Variants in TBC1D4 observed in about 807,000 individuals in gnomAD.
TBC1D4 encodes the protein TBC1 domain family member 4.
TBC1D4 carries 121 observed loss-of-function variants against 142.5 expected under a neutral mutation model. The observed-to-expected ratio is 0.85, with a 90% CI of 0.73 to 0.99. The LOEUF is 0.99. Among genes scored for constraint, TBC1D4 ranks in the 50% least tolerant of loss-of-function variants. The pLI, the probability that TBC1D4 is intolerant of heterozygous loss-of-function variation, is 0.00. For missense variants in TBC1D4, 1,475 were observed against 1,606.6 expected, an observed-to-expected ratio of 0.92 and a Z score of 1.40; for synonymous variants, 630 against 628.2, an observed-to-expected ratio of 1.00 and a Z score of -0.04.
intron 1 of TBC1D4, among the ~76,000 whole-genome samples, chr13:75,427,949 C>T (rs1162610889): frequency 6.6e-6 from 1 of 152,118 alleles, no homozygotes; most frequent in Admixed American, 6.5e-5. Flanking sequence ...ACTCCTCTGA[C>T]AATTTATCAA....
At chr13:75,409,510 T>G (rs928045963) in intron 1 of TBC1D4, among the ~76,000 whole-genome samples, 2 of 152,272 alleles carry the variant, frequency 1.3e-5, no homozygotes, top group East Asian at 1.9e-4. Flanking sequence ...ACATTAAAGG[T>G]TCCCCCCCTC....
At chr13:75,410,073 C>G (rs1593855500) in intron 1 of TBC1D4, among the ~76,000 whole-genome samples, 2 of 152,316 alleles carry the variant, frequency 1.3e-5, no homozygotes, top group East Asian at 1.9e-4. Flanking sequence ...AACAAAATAA[C>G]AGCACTCTCA....
At chr13:75,438,644 A>G (rs1274784219) in intron 1 of TBC1D4, among the ~76,000 whole-genome samples, 2 of 152,216 alleles carry the variant, frequency 1.3e-5, no homozygotes, top group Non-Finnish European at 2.9e-5. Flanking sequence ...ATTATGGAAA[A>G]CTTTTATAAT....
rs745564206 is a variant in TBC1D4, at chr13:75,310,119, A to G, written c.2416T>C (p.Ser806Pro). ...GLDRNELLPL[S>P]PLSPTMEEEP... The stretch of plus-strand genomic sequence containing the variant: ...TCCTCCATGGTTGGAGAGAGGGGGG[A>G]CAGTGGCAGCAGCTCGTTCCTGTCC... Residue 806 changes from serine (S) to proline (P), a missense_variant, in exon 14 of 21, where the codon TCC (serine) becomes CCC (proline). Transcript: ENST00000377636. 15 of 1,613,646 alleles carry G rather than the reference A, an allele frequency of 9.3e-6. No individual in the cohort carries two copies. In the African/African-American group the frequency reaches 1.9e-4, roughly 20 times the overall value.
At chr13:75,451,599 G>A (rs1887535770) in intron 1 of TBC1D4, among the ~76,000 whole-genome samples, 1 of 150,266 alleles carries the variant, frequency 6.7e-6, no homozygotes, top group Admixed American at 6.6e-5. Flanking sequence ...AGGATCCCTT[G>A]AGCCCAGGAG....
At chr13:75,328,464 A>T (rs1451051256) in intron 8 of TBC1D4, among the ~76,000 whole-genome samples, 1 of 152,160 alleles carries the variant, frequency 6.6e-6, no homozygotes, top group Non-Finnish European at 1.5e-5. Context: ...AAAGAGATCT[A>T]AGAGATCACC....
intron 1 of TBC1D4, among the ~76,000 whole-genome samples, chr13:75,395,731 G>A (rs1884762391): frequency 6.6e-6 from 1 of 152,170 alleles, no homozygotes; most frequent in Non-Finnish European, 1.5e-5. Flanking sequence ...TTAGGAGGCT[G>A]GGGCAGGAGA....
chr13:75,382,641 G>A (rs1384165567), intron 1 of TBC1D4, among the ~76,000 whole-genome samples: 1 of 152,128 alleles, frequency 6.6e-6, no homozygotes, highest in African/African-American at 2.4e-5. Flanking sequence ...CAAACTGTAT[G>A]TGAATTTTGT....
intron 1 of TBC1D4, among the ~76,000 whole-genome samples, chr13:75,409,638 G>A (rs1885507538): frequency 6.6e-6 from 1 of 152,190 alleles, no homozygotes; most frequent in East Asian, 1.9e-4. Flanking sequence ...AAACTTCACA[G>A]TAAAATACAC....
intron 1 of TBC1D4, among the ~76,000 whole-genome samples, chr13:75,465,493 T>A (rs1188385646): frequency 1.3e-5 from 2 of 152,214 alleles, no homozygotes; most frequent in African/African-American, 4.8e-5. Flanking sequence ...TCATGTCACA[T>A]GACTAATTAC....
At chr13:75,442,195 T>C (rs1327632869) in intron 1 of TBC1D4, among the ~76,000 whole-genome samples, 3 of 152,228 alleles carry the variant, frequency 2.0e-5, no homozygotes, top group Non-Finnish European at 2.9e-5. Flanking sequence ...AGTTAGTTTC[T>C]GGCAAATGCT....
intron 1 of TBC1D4, among the ~76,000 whole-genome samples, chr13:75,472,458 G>A (rs958465737): frequency 1.7e-4 from 26 of 152,032 alleles, no homozygotes; most frequent in Admixed American, 1.2e-3. Context: ...ATTGTGGATG[G>A]ATTTAAAAGG....
At chr13:75,477,372 A>T (rs910892443) in intron 1 of TBC1D4, among the ~76,000 whole-genome samples, 3 of 152,200 alleles carry the variant, frequency 2.0e-5, no homozygotes, top group Admixed American at 6.5e-5. Flanking sequence ...ACTGGCATTA[A>T]ATTCCTTTTT....
chr13:75,323,461 A>G (rs1878953570), intron 11 of TBC1D4, among the ~76,000 whole-genome samples: 1 of 152,178 alleles, frequency 6.6e-6, no homozygotes, highest in Admixed American at 6.5e-5. Flanking sequence ...AAGAATTTGA[A>G]TGATCAATAT....
chr13:75,349,042 A>G, intron 5 of TBC1D4, 128 bp downstream of exon 5: 1 of 1,438,268 alleles, frequency 7.0e-7, no homozygotes, highest in Non-Finnish European at 9.6e-7. Context: ...TTGAGTGGAC[A>G]TGAGAAATGA....
chr13:75,464,292 T>C (rs112166914), intron 1 of TBC1D4, among the ~76,000 whole-genome samples: 52 of 152,266 alleles, frequency 3.4e-4, no homozygotes, highest in African/African-American at 9.6e-4. Context: ...ACGCTGAAGG[T>C]TGTGGGTTTA....
intron 2 of TBC1D4, among the ~76,000 whole-genome samples, chr13:75,360,918 G>A (rs1566424450): frequency 6.6e-6 from 1 of 151,942 alleles, no homozygotes; most frequent in Non-Finnish European, 1.5e-5. Context: ...ATTACACACC[G>A]GTACTATTTA....
chr13:75,451,220 G>A (rs896553163), intron 1 of TBC1D4, among the ~76,000 whole-genome samples: 1 of 152,102 alleles, frequency 6.6e-6, no homozygotes. Flanking sequence ...ATAAGATGGA[G>A]TGAATAGTAC....
intron 5 of TBC1D4, among the ~76,000 whole-genome samples, chr13:75,342,297 C>T (rs2138081288): frequency 6.6e-6 from 1 of 152,278 alleles, no homozygotes; most frequent in South Asian, 2.1e-4. Context: ...TAGAAACTCA[C>T]AGATGATTTA....
Sources: allele counts gnomAD v4.1 joint callset (sites outside exome capture counted in the v4.1 genomes callset), GRCh38; gene constraint gnomAD v4.1.1; transcripts MANE v1.5; gene names NCBI Gene and HGNC (gene_info 2026-07-23, HGNC 2026-07-21).